VWA3A: variants seen among roughly 807,000 people sequenced by gnomAD.
The protein encoded by VWA3A is von Willebrand factor A domain containing 3A.
Under a neutral mutation model 160.4 loss-of-function variants are expected in VWA3A, and 134 were observed. The ratio of observed to expected loss-of-function variants is 0.84; its 90% confidence interval spans 0.73 to 0.96. The LOEUF is 0.96. VWA3A is among the 40% of genes least tolerant of loss of function. The probability of loss-of-function intolerance (pLI) is 0.00; values close to 1 mark genes in which losing one functional copy is unlikely to be tolerated. For synonymous variants in VWA3A, 476 were observed against 543.4 expected (o/e 0.88, Z 1.72); for missense variants, 1,310 against 1,447.9 (o/e 0.90, Z 1.55).
intron 22 of VWA3A, 104 bp downstream of exon 22, chr16:22,138,616 G>C: frequency 2.0e-6 from 3 of 1,467,900 alleles, no homozygotes; most frequent in South Asian, 2.6e-5. Context: ...ATGGGGGTGG[G>C]TGCTTCAGTG....
chr16:22,134,062 C>G (rs867808150), intron 20 of VWA3A, among the ~76,000 whole-genome samples: 1 of 152,222 alleles, frequency 6.6e-6, no homozygotes, highest in Middle Eastern at 3.4e-3. Context: ...CTCCTGGATT[C>G]AAGCAATCCT....
chr16:22,114,341 G>A (rs1419255932), intron 8 of VWA3A, among the ~76,000 whole-genome samples: 1 of 152,194 alleles, frequency 6.6e-6, no homozygotes, highest in Non-Finnish European at 1.5e-5. Context: ...CAACCCATGT[G>A]GGACATAGCC....
intron 1 of VWA3A, among the ~76,000 whole-genome samples, chr16:22,093,249 C>T (rs760562142): frequency 2.0e-5 from 3 of 151,822 alleles, no homozygotes; most frequent in Non-Finnish European, 2.9e-5. Context: ...GAGGGGTGCG[C>T]GGGGGTTCAG....
At position 22,155,639 on chromosome 16, in the gene VWA3A, T is replaced by C; in HGVS notation, c.3478T>C (p.Phe1160Leu). The change falls in exon 32 of 34, where the codon TTC (phenylalanine) becomes CTC (leucine). Residue 1160 changes from phenylalanine (F) to leucine (L), a missense_variant. By Grantham distance (22) the Phe-to-Leu change is conservative. Coordinates refer to ENST00000389398, the MANE Select transcript of VWA3A (RefSeq NM_173615.5). ...CCAGGAGATCACCAAGGCCAGAAGC[T>C]TCCTCTGGCAGGCCCAATCCTTCAG... Reference protein sequence around the residue: ...LAQEITKARSFLWQAQSFRSQ... With the variant: ...LAQEITKARSLLWQAQSFRSQ... 6.2e-7 allele frequency: 1 copy of C among 1,613,950 alleles called. No individual in the cohort carries two copies. The highest frequency in any genetic ancestry group is 8.5e-7 in the Non-Finnish European group (1 of 1,179,872).
chr16:22,153,120 T>C (rs1277302798), intron 31 of VWA3A, among the ~76,000 whole-genome samples: 4 of 152,078 alleles, frequency 2.6e-5, no homozygotes, highest in Admixed American at 6.5e-5. Context: ...CCGAGGTGGG[T>C]GGATCACTTG....
In VWA3A at chr16:22,121,580, C is replaced by A; in HGVS notation, c.1319C>A (p.Pro440His). ...NAFSPVEEFV[P>H]ILQKTVSSTI... Reference sequence around the variant, plus strand: ...TTCTCTCCTGTGGAGGAATTTGTACCTATTCTCCAGAAAACAGTATCATCG... The same window carrying A: ...TTCTCTCCTGTGGAGGAATTTGTACATATTCTCCAGAAAACAGTATCATCG... The change falls in exon 14 of 34, where the codon CCT becomes CAT. Residue 440 changes from proline to histidine, a missense_variant. Physicochemically the swap from Pro to His is moderately conservative, Grantham distance 77. Coordinates refer to ENST00000389398, the MANE Select transcript of VWA3A (RefSeq NM_173615.5). 1.9e-6 allele frequency: 3 copies of A among 1,613,536 alleles called. No homozygotes were observed. Among genetic ancestry groups the A allele is most frequent in the Non-Finnish European group, 2.5e-6 (3 of 1,179,624 alleles).
chr16:22,125,517 G>A (rs913743158), intron 16 of VWA3A, among the ~76,000 whole-genome samples: 10 of 152,042 alleles, frequency 6.6e-5, no homozygotes, highest in Non-Finnish European at 1.0e-4. Context: ...TCTGCCTCCC[G>A]GGTTCATGCC....
chr16:22,147,691 C>A, intron 27 of VWA3A: 1 of 701,794 alleles, frequency 1.4e-6, no homozygotes, highest in South Asian at 1.5e-5. Flanking sequence ...AGGCGTGAGC[C>A]TCTCTCCACC....
rs545368926 is a variant in VWA3A, at chr16:22,155,937, C to G, written c.*14+21C>G. On this transcript the variant is annotated intron_variant, in intron 33 of 33. Coordinates refer to ENST00000389398, the MANE Select transcript of VWA3A (RefSeq NM_173615.5). ...CTCAGGTAAGGGGAGGGGCTAGACC[C>G]CATACTACCTGAGTGTGCACTAAGC... 3.3e-4 allele frequency: 530 copies of G among 1,611,570 alleles called. 5 individuals are homozygous for G. In the South Asian group the frequency reaches 5.5e-3, roughly 17 times the overall value.
intron 18 of VWA3A, 92 bp from the exon 19 acceptor site, chr16:22,131,493 G>C: frequency 1.9e-6 from 3 of 1,549,402 alleles, no homozygotes; most frequent in Non-Finnish European, 2.6e-6. Context: ...ACTCCATCAC[G>C]TCTGAGATGG....
chr16:22,149,459 G>A (rs148854119), intron 28 of VWA3A, among the ~76,000 whole-genome samples: 1,749 of 152,292 alleles, frequency 0.011, 15 homozygotes, highest in Middle Eastern at 0.037. Flanking sequence ...TGCCCAGGCT[G>A]GTCTTGAACT....
At position 22,141,598 on chromosome 16, in the gene VWA3A, G is replaced by A. The variant is rs200902486; in HGVS notation, c.2400G>A (p.Thr800=). The change falls in exon 24 of 34, where the codon ACG becomes ACA. Residue 800 remains threonine, a synonymous_variant. Coordinates refer to ENST00000389398, the MANE Select transcript of VWA3A (RefSeq NM_173615.5). ...VGISPAAAQP[T]KEGMMELRRK... is the part of the protein sequence containing the mutation. ...GTTCCTCAGCTGCGGCCCAGCCAAC[G>A]AAAGAAGGGATGATGGAACTGAGGA... 26 of 1,611,566 alleles carry A rather than the reference G, an allele frequency of 1.6e-5. No homozygotes were observed. The highest frequency in any genetic ancestry group is 1.6e-4 in the East Asian group (7 of 44,834).
intron 26 of VWA3A, among the ~76,000 whole-genome samples, chr16:22,144,674 T>G (rs941196688): frequency 6.6e-6 from 1 of 151,954 alleles, no homozygotes; most frequent in Non-Finnish European, 1.5e-5. Flanking sequence ...ACCAAGTGCT[T>G]TAGGAGGCTG....
intron 23 of VWA3A, among the ~76,000 whole-genome samples, chr16:22,140,786 A>G (rs1197209627): frequency 6.6e-6 from 1 of 151,760 alleles, no homozygotes; most frequent in African/African-American, 2.4e-5. Flanking sequence ...AACTTTTTGT[A>G]TTTTTAGTAG....
chr16:22,095,357 T>C (rs1420554866), intron 1 of VWA3A, among the ~76,000 whole-genome samples: 1 of 151,956 alleles, frequency 6.6e-6, no homozygotes, highest in Non-Finnish European at 1.5e-5. Context: ...TTCCAGAAAC[T>C]GGAAAGGGAG....
intron 16 of VWA3A, among the ~76,000 whole-genome samples, chr16:22,124,735 A>G (rs1350581502): frequency 6.6e-6 from 1 of 151,968 alleles, no homozygotes; most frequent in African/African-American, 2.4e-5. Context: ...AAGCAACCCT[A>G]TGATGAGTCT....
rs1297991715 is a variant in VWA3A, at chr16:22,133,095, G to A, written c.2068G>A (p.Gly690Ser). 2 of 1,611,000 alleles carry A rather than the reference G, an allele frequency of 1.2e-6. No individual in the cohort carries two copies. The highest frequency in any genetic ancestry group is 1.7e-6 in the Non-Finnish European group (2 of 1,178,708). Residue 690 changes from glycine to serine, a missense_variant and splice_region_variant, in exon 20 of 34, where the codon GGC (glycine) becomes AGC (serine). Coordinates refer to ENST00000389398, the MANE Select transcript of VWA3A (RefSeq NM_173615.5). ...CCGCTTCCACTGGTTTGGAGACACA[G>A]GTACATGACTGTTTCCTCATCCCTT... is the stretch of plus-strand genomic sequence containing the variant. ...GGRFHWFGDTGIYESDDINSI... is the reference protein window; with the variant it reads ...GGRFHWFGDTSIYESDDINSI...
At position 22,135,816 on chromosome 16, in the gene VWA3A, G is replaced by A. The variant is rs138023456; in HGVS notation, c.2139+1378G>A. ...TTTTTGGGGGTTTTTTTGAGACAGA[G>A]TCTCACTCTGTCGCCCAGGCTGGAG... On this transcript the variant is annotated intron_variant, in intron 21 of 33. Coordinates refer to ENST00000389398, the MANE Select transcript of VWA3A (RefSeq NM_173615.5). 2.6e-5 allele frequency among the ~76,000 whole-genome samples: 4 copies of A among 152,178 alleles called. No individual in the cohort carries two copies. The East Asian group carries it at 7.7e-4, about 29-fold the overall frequency.
At chr16:22,103,560 C>T in intron 6 of VWA3A, 31 bp downstream of exon 6, 4 of 1,549,766 alleles carry the variant, frequency 2.6e-6, no homozygotes, top group Non-Finnish European at 3.5e-6. Flanking sequence ...TCTTTGCCCC[C>T]TTTCACTCAT....
Sources: allele counts gnomAD v4.1 joint callset (sites outside exome capture counted in the v4.1 genomes callset), GRCh38; gene constraint gnomAD v4.1.1; transcripts MANE v1.5; gene names NCBI Gene and HGNC (gene_info 2026-07-23, HGNC 2026-07-21).